Variants in PDE3A observed in about 807,000 individuals in gnomAD.
PDE3A encodes phosphodiesterase 3A, also known as cGMP-inhibited 3',5'-cyclic phosphodiesterase 3A.
PDE3A carries 43 observed loss-of-function variants against 98.3 expected under a neutral mutation model. The observed-to-expected ratio is 0.44, with a 90% confidence interval of 0.34 to 0.56. PDE3A has a LOEUF of 0.56. Among genes scored for constraint, PDE3A ranks in the 20% least tolerant of loss-of-function variants. PDE3A has a pLI of 0.01. For missense variants in PDE3A, 1,427 were observed against 1,440.7 expected (o/e 0.99, Z 0.15); for synonymous variants, 663 against 567.9 (o/e 1.17, Z -2.38).
At chr12:20,643,781 AT>A (rs1944701941) in intron 10 of PDE3A, among the ~76,000 whole-genome samples, 1 of 152,032 alleles carries the variant, frequency 6.6e-6, no homozygotes, top group Non-Finnish European at 1.5e-5. Flanking sequence ...GCACTAGATT[AT>A]TTACTTAGGA....
intron 1 of PDE3A, among the ~76,000 whole-genome samples, chr12:20,447,015 G>T (rs1013047187): frequency 1.3e-5 from 2 of 152,158 alleles, no homozygotes; most frequent in Admixed American, 6.5e-5. Context: ...AAATGCCCTG[G>T]AAGCCTGTGC....
chr12:20,392,735 T>C (rs1455733091), intron 1 of PDE3A, among the ~76,000 whole-genome samples: 2 of 152,026 alleles, frequency 1.3e-5, no homozygotes, highest in Non-Finnish European at 2.9e-5. Context: ...CTTCAGTGTC[T>C]ATCAACAGAT....
At chr12:20,634,731 T>C (rs1256046204) in intron 7 of PDE3A, among the ~76,000 whole-genome samples, 171 bp from the exon 8 acceptor site, 1 of 152,222 alleles carries the variant, frequency 6.6e-6, no homozygotes, top group Non-Finnish European at 1.5e-5. Context: ...TTTACTTTGT[T>C]AAGAGATGTG....
intron 15 of PDE3A, among the ~76,000 whole-genome samples, chr12:20,677,433 T>G (rs1312348155): frequency 6.7e-6 from 1 of 150,208 alleles, no homozygotes; most frequent in East Asian, 2.0e-4. Flanking sequence ...GTGTATCTGG[T>G]GTAGCAGTTG....
chr12:20,457,716 T>C (rs1945176162), intron 1 of PDE3A, among the ~76,000 whole-genome samples: 1 of 151,942 alleles, frequency 6.6e-6, no homozygotes, highest in Non-Finnish European at 1.5e-5. Flanking sequence ...TTTTCTTATC[T>C]GAGTTATTAT....
chr12:20,673,403 A>C (rs1258364130), intron 15 of PDE3A, among the ~76,000 whole-genome samples: 16 of 145,632 alleles, frequency 1.1e-4, no homozygotes, highest in African/African-American at 3.8e-4. Flanking sequence ...ATGCACACGT[A>C]TGTTTATTGC....
At chr12:20,384,883 A>G (rs1259482394) in intron 1 of PDE3A, among the ~76,000 whole-genome samples, 1 of 152,136 alleles carries the variant, frequency 6.6e-6, no homozygotes, top group Non-Finnish European at 1.5e-5. Flanking sequence ...ATGGCTGCAT[A>G]GTATTCCATG....
intron 1 of PDE3A, among the ~76,000 whole-genome samples, chr12:20,456,576 A>G (rs1945155177): frequency 6.6e-6 from 1 of 152,114 alleles, no homozygotes; most frequent in Admixed American, 6.6e-5. Flanking sequence ...AGTAATTAAA[A>G]ACGTGACCTA....
At chr12:20,425,979 T>C (rs1489132278) in intron 1 of PDE3A, among the ~76,000 whole-genome samples, 1 of 152,200 alleles carries the variant, frequency 6.6e-6, no homozygotes, top group African/African-American at 2.4e-5. Context: ...GTTATACAGA[T>C]TACGTTAATT....
Position 20,613,423 on chromosome 12 carries a change from T to C in PDE3A, c.1012-20T>C, listed in dbSNP as rs761299896. The C allele has an allele frequency of 6.2e-7, 1 of 1,613,326 alleles. No individual in the cohort carries two copies. The highest frequency in any genetic ancestry group is 1.1e-5 in the South Asian group (1 of 91,060). ...ATTCAGGCCTTTTCTTGCCTGATCT[T>C]GTCTTGGTTTGTGTCTCAGTCTTCA... On this transcript the variant is annotated intron_variant, in intron 2 of 15. Coordinates refer to ENST00000359062, the MANE Select transcript of PDE3A (RefSeq NM_000921.5).
At chr12:20,472,816 TTATCTAAAGGCATTAAA>T (rs1389011785) in intron 1 of PDE3A, among the ~76,000 whole-genome samples, 1 of 152,190 alleles carries the variant, frequency 6.6e-6, no homozygotes, top group Non-Finnish European at 1.5e-5. Context: ...AAACAGCTTA[TTATCTAAAGGCATTAAA>T]TATCTAAAGG....
At chr12:20,397,734 C>T (rs577059702) in intron 1 of PDE3A, among the ~76,000 whole-genome samples, 1 of 152,036 alleles carries the variant, frequency 6.6e-6, no homozygotes, top group East Asian at 1.9e-4. Context: ...ATTGCCTCCT[C>T]CGTATATATT....
At chr12:20,584,558 G>A (rs535768692) in intron 2 of PDE3A, among the ~76,000 whole-genome samples, 1 of 152,190 alleles carries the variant, frequency 6.6e-6, no homozygotes, top group East Asian at 1.9e-4. Context: ...AATGCAGAAC[G>A]CCAGATTCTT....
In PDE3A at chr12:20,680,851, T is replaced by A. The variant is rs2120500507; in HGVS notation, c.*580T>A. 6.5e-6 allele frequency: 1 copy of A among 154,660 alleles called. No homozygotes were observed. The highest frequency in any genetic ancestry group is 2.4e-5 in the African/African-American group (1 of 41,374). The allele number at this position is 154,660 out of a possible 1,614,324, so 9.6% of individuals were successfully genotyped here. On this transcript the variant is annotated 3_prime_UTR_variant, in exon 16 of 16. Transcript: ENST00000359062. Reference sequence around the variant, plus strand: ...CTGTGTGTGTGTGTGTGTGTGTGTGTGTGTGTGTGTGTGTGTGTGAAAGAG... The same window carrying A: ...CTGTGTGTGTGTGTGTGTGTGTGTGAGTGTGTGTGTGTGTGTGTGAAAGAG...
At chr12:20,519,350 G>T (rs1946380339) in intron 1 of PDE3A, among the ~76,000 whole-genome samples, 1 of 152,064 alleles carries the variant, frequency 6.6e-6, no homozygotes, top group Non-Finnish European at 1.5e-5. Context: ...CACATCTCAA[G>T]GCAATGTCAT....
At chr12:20,437,357 A>G (rs562667539) in intron 1 of PDE3A, among the ~76,000 whole-genome samples, 3 of 152,302 alleles carry the variant, frequency 2.0e-5, no homozygotes, top group South Asian at 2.1e-4. Flanking sequence ...TGCTATTAGT[A>G]TTATGGGTTA....
chr12:20,436,766 C>T lies in PDE3A; in HGVS notation c.960+66522C>T, dbSNP rs537467739. Among the ~76,000 whole-genome samples the T allele has an allele frequency of 7.6e-4, 115 of 152,234 alleles. 2 individuals are homozygous for T. Among genetic ancestry groups the T allele is most frequent in the African/African-American group, 2.8e-3 (115 of 41,540 alleles). On this transcript the variant is annotated intron_variant, in intron 1 of 15. Transcript: ENST00000359062. Reference sequence around the variant, plus strand: ...AGAGGGGAATTGAGAGCAAGGGAGGCTTAAATCCTTAATAAAGATCATGTG... The same window carrying T: ...AGAGGGGAATTGAGAGCAAGGGAGGTTTAAATCCTTAATAAAGATCATGTG...
At chr12:20,428,446 A>AT (rs564314414) in intron 1 of PDE3A, among the ~76,000 whole-genome samples, 225 of 151,488 alleles carry the variant, frequency 1.5e-3, no homozygotes, top group African/African-American at 4.9e-3. Flanking sequence ...CGCCCGGCTA[A>AT]TTTTTTTTGT....
chr12:20,554,559 C>T (rs768701693), intron 1 of PDE3A, among the ~76,000 whole-genome samples: 4 of 151,180 alleles, frequency 2.6e-5, no homozygotes, highest in Non-Finnish European at 5.9e-5. Flanking sequence ...TTTTTACCCT[C>T]AAAAGTCTAT....
Sources: allele counts gnomAD v4.1 joint callset (sites outside exome capture counted in the v4.1 genomes callset), GRCh38; gene constraint gnomAD v4.1.1; transcripts MANE v1.5; gene names NCBI Gene and HGNC (gene_info 2026-07-23, HGNC 2026-07-21).